Variants in ALKBH3 observed in about 807,000 individuals in gnomAD.
The protein encoded by ALKBH3 is alkB homolog 3, alpha-ketoglutarate dependent dioxygenase, also known as alpha-ketoglutarate-dependent dioxygenase alkB homolog 3.
ALKBH3 carries 51 observed loss-of-function variants against 43.9 expected under a neutral mutation model. That is an observed-to-expected ratio of 1.16 (90% confidence interval 0.93 to 1.47). The LOEUF is 1.47. Ranked by LOEUF, ALKBH3 falls within the 40% of genes most tolerant of loss-of-function variation. The pLI is 0.00. For missense variants in ALKBH3, 361 were observed against 351.9 expected, an observed-to-expected ratio of 1.03 and a Z score of -0.21; for synonymous variants, 102 against 115.2, an observed-to-expected ratio of 0.89 and a Z score of 0.73.
At chr11:43,898,650 G>C (rs907949682) in intron 7 of ALKBH3, 1 of 727,798 alleles carries the variant, frequency 1.4e-6, no homozygotes, top group African/African-American at 1.7e-5. Flanking sequence ...GCCACTTATG[G>C]AGACCTGATG....
chr11:43,911,021 G>A (rs1951934363), intron 8 of ALKBH3, among the ~76,000 whole-genome samples: 1 of 152,184 alleles, frequency 6.6e-6, no homozygotes, highest in Non-Finnish European at 1.5e-5. Flanking sequence ...CTGCCCTTAT[G>A]GGGGTTACAG....
At chr11:43,891,749 C>A (rs1278842232) in intron 6 of ALKBH3, among the ~76,000 whole-genome samples, 1 of 152,196 alleles carries the variant, frequency 6.6e-6, no homozygotes, top group African/African-American at 2.4e-5. Context: ...CCACTGTTCC[C>A]CAGTGTGACT....
intron 6 of ALKBH3, among the ~76,000 whole-genome samples, chr11:43,890,924 C>G (rs1221975916): frequency 2.0e-5 from 3 of 152,106 alleles, no homozygotes; most frequent in African/African-American, 7.2e-5. Context: ...CTCTAGTATC[C>G]TTTAAATCAT....
At chr11:43,919,695 A>G in intron 9 of ALKBH3, 1 of 475,020 alleles carries the variant, frequency 2.1e-6, no homozygotes. Context: ...GAAAAGATGA[A>G]AATATCTCAC....
At chr11:43,895,634 T>C (rs1951813399) in intron 7 of ALKBH3, among the ~76,000 whole-genome samples, 2 of 152,142 alleles carry the variant, frequency 1.3e-5, no homozygotes, top group South Asian at 4.1e-4. Context: ...CTGGAGAGGG[T>C]TCATGAAACC....
intron 6 of ALKBH3, among the ~76,000 whole-genome samples, chr11:43,890,606 C>CTGTA (rs1230368383): frequency 1.3e-5 from 2 of 152,142 alleles, no homozygotes; most frequent in African/African-American, 2.4e-5. Context: ...TGGCTTACGC[C>CTGTA]TGTAATCCCA....
At chr11:43,911,583 C>G (rs1238786296) in intron 8 of ALKBH3, among the ~76,000 whole-genome samples, 1 of 152,142 alleles carries the variant, frequency 6.6e-6, no homozygotes, top group East Asian at 1.9e-4. Context: ...TAATAAATAA[C>G]AAGTGTATAG....
intron 1 of ALKBH3, chr11:43,881,441 A>G (rs147597210): frequency 6.6e-6 from 1 of 152,388 alleles, no homozygotes; most frequent in Non-Finnish European, 1.5e-5. Context: ...TGAATGGAGC[A>G]AGAAGGTGAG....
In ALKBH3 at chr11:43,883,093, G is replaced by T. The variant is rs760128339; in HGVS notation, c.88G>T (p.Ala30Ser). The T allele has an allele frequency of 1.4e-5, 22 of 1,613,750 alleles. 1 individual carries two copies. In the South Asian group the frequency reaches 2.4e-4, roughly 18 times the overall value. The change falls in exon 3 of 10, where the codon GCT becomes TCT. Residue 30 changes from alanine (A) to serine (S), a missense_variant. By Grantham distance (99) the Ala-to-Ser change is moderately conservative (BLOSUM62 1). Transcript: ENST00000302708. ...CCCCTCTCTTGCTTCAGCTACCACT[G>T]CTAAGAGCCATCTCCACCAGAAGCC... is the stretch of plus-strand genomic sequence containing the variant. ...SQAIAQPATT[A>S]KSHLHQKPGQ...
In ALKBH3 at chr11:43,883,976, C is replaced by T; in HGVS notation, c.184-7C>T. 1.9e-6 allele frequency: 3 copies of T among 1,613,528 alleles called. No individual in the cohort carries two copies. In the Admixed American group the frequency reaches 5.0e-5, roughly 27 times the overall value. ...CCCAGAAGTAAGATCCGCCTATTTC[C>T]TTGCAGGTAGTACGTAGAGCTCCTG... On this transcript the variant is annotated splice_region_variant and splice_polypyrimidine_tract_variant and intron_variant, in intron 3 of 9. Coordinates refer to ENST00000302708, the MANE Select transcript of ALKBH3 (RefSeq NM_139178.4).
intron 8 of ALKBH3, among the ~76,000 whole-genome samples, chr11:43,911,729 T>A (rs905978368): frequency 1.3e-5 from 2 of 152,190 alleles, no homozygotes; most frequent in African/African-American, 4.8e-5. Flanking sequence ...CCAAGATGGC[T>A]TAGACAACTA....
At chr11:43,901,837 T>C in intron 8 of ALKBH3, 112 bp downstream of exon 8, 1 of 1,273,912 alleles carries the variant, frequency 7.8e-7, no homozygotes, top group East Asian at 2.4e-5. Flanking sequence ...ACACATTTTG[T>C]TGATGAAACA....
intron 7 of ALKBH3, 27 bp downstream of exon 7, chr11:43,892,156 G>T (rs2135182952): frequency 6.5e-7 from 1 of 1,548,456 alleles, no homozygotes; most frequent in Middle Eastern, 1.7e-4. Flanking sequence ...TCATTGGTAT[G>T]GTTTTATAGA....
chr11:43,898,192 CAGG>C (rs767116855), intron 7 of ALKBH3: 39 of 1,210,042 alleles, frequency 3.2e-5, no homozygotes, highest in Middle Eastern at 1.9e-4. Flanking sequence ...GACTCCGCTG[CAGG>C]AGAGCTGTCT....
chr11:43,891,871 T>C (rs1951786674), intron 6 of ALKBH3, among the ~76,000 whole-genome samples, 170 bp from the exon 7 acceptor site: 1 of 152,236 alleles, frequency 6.6e-6, no homozygotes, highest in Non-Finnish European at 1.5e-5. Context: ...TCTTGTCCAT[T>C]CTACTTGCAA....
intron 8 of ALKBH3, among the ~76,000 whole-genome samples, chr11:43,904,349 A>G (rs181852657): frequency 2.6e-5 from 4 of 152,350 alleles, no homozygotes; most frequent in Admixed American, 1.3e-4. Context: ...TGTTGACTGT[A>G]GTAAGTTTTG....
At chr11:43,905,245 G>C (rs1330139054) in intron 8 of ALKBH3, among the ~76,000 whole-genome samples, 1 of 152,114 alleles carries the variant, frequency 6.6e-6, no homozygotes, top group African/African-American at 2.4e-5. Context: ...TCCATTAACT[G>C]CTGATCTACT....
intron 6 of ALKBH3, among the ~76,000 whole-genome samples, chr11:43,891,158 G>A (rs549767634): frequency 2.0e-5 from 3 of 152,328 alleles, no homozygotes; most frequent in Middle Eastern, 3.4e-3. Flanking sequence ...ATAGGAGTCA[G>A]CTTTCTCTCA....
rs573618465 is a variant in ALKBH3, at chr11:43,911,422, G to T, written c.670-7616G>T. 2.0e-5 allele frequency among the ~76,000 whole-genome samples: 3 copies of T among 152,302 alleles called. No homozygotes were observed. In the South Asian group the frequency reaches 6.2e-4, roughly 32 times the overall value. On this transcript the variant is annotated intron_variant, in intron 8 of 9. Coordinates refer to ENST00000302708, the MANE Select transcript of ALKBH3 (RefSeq NM_139178.4). The stretch of plus-strand genomic sequence containing the variant: ...GCATTTGATTTTGTCCCTGCTGGAG[G>T]AGTTCCTTCTTCTACGTGCAAAATC...
Sources: gnomAD v4.1 joint callset for allele counts (sites outside exome capture counted in the v4.1 genomes callset) on GRCh38, gnomAD v4.1.1 for gene constraint, MANE v1.5 for transcripts, NCBI Gene and HGNC (gene_info 2026-07-23, HGNC 2026-07-21) for gene names.